The following SAR1A variants were observed in gnomAD, a reference collection of about 807,000 sequenced individuals.
SAR1A encodes the protein secretion associated Ras related GTPase 1A.
In SAR1A, 6 loss-of-function variants were observed where a neutral mutation model predicts 22.6. That is an observed-to-expected ratio of 0.27 (90% confidence interval 0.15 to 0.52). SAR1A has a LOEUF of 0.52. Ranked by LOEUF, SAR1A falls within the 20% of genes least tolerant of loss-of-function variation. The pLI, the probability that SAR1A is intolerant of heterozygous loss-of-function variation, is 0.96. For missense variants in SAR1A, 145 were observed against 245.1 expected (o/e 0.59, Z 2.73); for synonymous variants, 70 against 82.2 (o/e 0.85, Z 0.80).
At chr10:70,168,809 C>G (rs530963931) in intron 1 of SAR1A, among the ~76,000 whole-genome samples, 2 of 151,998 alleles carry the variant, frequency 1.3e-5, no homozygotes, top group African/African-American at 4.8e-5. Flanking sequence ...CACTGCTACC[C>G]AAAGTTAAGA....
rs780852349 is a variant in SAR1A, at chr10:70,157,764, A to C, written c.348T>G (p.Asn116Lys). The C allele has an allele frequency of 6.2e-7, 1 of 1,609,074 alleles. No individual in the cohort carries two copies. The highest frequency in any genetic ancestry group is 1.7e-5 in the Admixed American group (1 of 60,000). The change falls in exon 5 of 7, where the codon AAT (asparagine) becomes AAG (lysine). Residue 116 changes from asparagine (N) to lysine (K), a missense_variant and splice_region_variant. Transcript: ENST00000373241. Reference protein sequence around the residue: ...SRLVESKVELNALMTDETISN... With the variant: ...SRLVESKVELKALMTDETISN... ...ATACACATTAAAGGACAAAACATACATTAAGCTCAACTTTGGATTCCACGA... is the reference window on the plus strand; with the variant it reads ...ATACACATTAAAGGACAAAACATACCTTAAGCTCAACTTTGGATTCCACGA...
In SAR1A at chr10:70,151,443, A is replaced by G. The variant is rs1839326392; in HGVS notation, c.*1033T>C. On this transcript the variant is annotated 3_prime_UTR_variant, in exon 7 of 7. Transcript: ENST00000373241. ...ACTGAATACATTTTTCATGGATCCA[A>G]ACAAATGCTACAATACTTTTAAGTC... is the stretch of plus-strand genomic sequence containing the variant. 1 of 152,182 alleles carries G rather than the reference A, an allele frequency of 6.6e-6. No individual in the cohort carries two copies. The highest frequency in any genetic ancestry group is 2.4e-5 in the African/African-American group (1 of 41,446). 9.4% of individuals were successfully genotyped at this position (152,182 alleles called of 1,614,324 possible). A position where few individuals can be genotyped will look rare whatever the true frequency, so the allele number is the denominator to read the frequency against.
intron 5 of SAR1A, 100 bp from the exon 6 acceptor site, chr10:70,154,069 T>A: frequency 1.2e-6 from 1 of 861,410 alleles, no homozygotes; most frequent in Non-Finnish European, 1.7e-6. Context: ...ACTAATCTTT[T>A]AAGGCATTAA....
Position 70,170,421 on chromosome 10 carries a change from G to A in SAR1A, c.-25C>T, listed in dbSNP as rs1839612457. 1 of 151,900 alleles carries A rather than the reference G, an allele frequency of 6.6e-6. No homozygotes were observed. Among genetic ancestry groups the A allele is most frequent in the African/African-American group, 2.4e-5 (1 of 41,430 alleles). 9.4% of individuals were successfully genotyped at this position (151,900 alleles called of 1,614,324 possible). Reference sequence around the variant, plus strand: ...GCGACCCTCAGACTCACGGCCTGAGGGGCTCCTCCGGCAAAACAGCGGCTG... The same window carrying A: ...GCGACCCTCAGACTCACGGCCTGAGAGGCTCCTCCGGCAAAACAGCGGCTG... On this transcript the variant is annotated 5_prime_UTR_variant, in exon 1 of 7. Transcript: ENST00000373241.
chr10:70,167,115 G>A (rs1037325149), intron 1 of SAR1A, among the ~76,000 whole-genome samples: 7 of 152,096 alleles, frequency 4.6e-5, no homozygotes, highest in African/African-American at 1.7e-4. Flanking sequence ...GTTTCTCATA[G>A]CTATCAAAAG....
Position 70,152,225 on chromosome 10 carries a change from G to A in SAR1A, c.*251C>T, listed in dbSNP as rs757331326. The A allele has an allele frequency of 5.4e-6, 4 of 734,910 alleles. No homozygotes were observed. The highest frequency in any genetic ancestry group is 3.1e-5 in the South Asian group (2 of 64,266). The allele number at this position is 734,910 out of a possible 1,614,324, so 45.5% of individuals were successfully genotyped here. A position where few individuals can be genotyped will look rare whatever the true frequency, so the allele number is the denominator to read the frequency against. ...CCCATGATGGCATACAGCTTTACCC[G>A]GCAAATCCTGCCAGCTTCCAAGTCC... is the stretch of plus-strand genomic sequence containing the variant. On this transcript the variant is annotated 3_prime_UTR_variant, in exon 7 of 7. Transcript: ENST00000373241.
intron 1 of SAR1A, chr10:70,162,795 C>G (rs1390825795): frequency 6.6e-6 from 1 of 152,326 alleles, no homozygotes; most frequent in Non-Finnish European, 1.5e-5. Context: ...CATCTTCTAA[C>G]AGCATGTGCT....
chr10:70,153,873 C>T lies in SAR1A; in HGVS notation c.445G>A (p.Glu149Lys). The T allele has an allele frequency of 6.2e-7, 1 of 1,606,796 alleles. No individual in the cohort carries two copies. Residue 149 changes from glutamate (E) to lysine (K), a missense_variant, in exon 6 of 7, where the codon GAG (glutamate) becomes AAG (lysine). Around this residue, in one of 3 missense-constraint regions of SAR1A, gnomAD observed 83 missense variants for 114.7 expected, o/e 0.72. Transcript: ENST00000373241. ...GTCTGTCCATAAAGCCCAAATATCT[C>T]ACGGAGTTTTTCTTCACTGATTGCA... ...TDAISEEKLR[E>K]IFGLYGQTTG...
chr10:70,157,897 T>G, intron 4 of SAR1A, 30 bp from the exon 5 acceptor site: 1 of 1,408,970 alleles, frequency 7.1e-7, no homozygotes, highest in Non-Finnish European at 1.0e-6. Flanking sequence ...GTTGCATGAG[T>G]AAAAAATATA....
intron 1 of SAR1A, among the ~76,000 whole-genome samples, chr10:70,165,098 T>C (rs946144477): frequency 4.6e-5 from 7 of 151,758 alleles, no homozygotes; most frequent in African/African-American, 1.7e-4. Flanking sequence ...ACCCCGTCTC[T>C]ACTAAAAATA....
At position 70,156,799 on chromosome 10, in the gene SAR1A, T is replaced by C. The variant is rs550889494; in HGVS notation, c.348+965A>G. Reference sequence around the variant, plus strand: ...AGGTTCAAGTTGCCAGAAACAAGAATGCAAGGAGTTATAAATCAAAGAGAA... The same window carrying C: ...AGGTTCAAGTTGCCAGAAACAAGAACGCAAGGAGTTATAAATCAAAGAGAA... On this transcript the variant is annotated intron_variant, in intron 5 of 6. Transcript: ENST00000373241. 4.0e-5 allele frequency among the ~76,000 whole-genome samples: 6 copies of C among 151,608 alleles called. No homozygotes were observed. The South Asian group carries it at 1.0e-3, about 26-fold the overall frequency.
At chr10:70,162,012 C>A in intron 1 of SAR1A, 81 bp from the exon 2 acceptor site, 1 of 983,766 alleles carries the variant, frequency 1.0e-6, no homozygotes, top group Non-Finnish European at 1.6e-6. Context: ...TGTTCCCTAG[C>A]CATGATGCAC....
In SAR1A at chr10:70,147,438, TACA is replaced by T. The variant is rs1487861820; in HGVS notation, c.*5035_*5037del. The T allele has an allele frequency of 6.6e-6, 1 of 152,314 alleles. No individual in the cohort carries two copies. Among genetic ancestry groups the T allele is most frequent in the African/African-American group, 2.4e-5 (1 of 41,552 alleles). The allele number at this position is 152,314 out of a possible 1,614,324, so 9.4% of individuals were successfully genotyped here. A position where few individuals can be genotyped will look rare whatever the true frequency, so the allele number is the denominator to read the frequency against. ...AAACAGTTCCAGTTTGGGGGGACCA[TACA>T]ACTTGTCTCAAATAGTCAACTCTGC... On this transcript the variant is annotated 3_prime_UTR_variant, in exon 7 of 7. Coordinates refer to ENST00000373241, the MANE Select transcript of SAR1A (RefSeq NM_020150.5).
intron 3 of SAR1A, 47 bp from the exon 4 acceptor site, chr10:70,161,116 C>A: frequency 7.6e-7 from 1 of 1,312,924 alleles, no homozygotes; most frequent in Non-Finnish European, 1.1e-6. Context: ...AACTCAACAA[C>A]CCCCAACTAC....
rs374036829 is a variant in SAR1A at position 70,154,956 on chromosome 10, GAAGT to G, written c.349-991_349-988del. Reference sequence around the variant, plus strand: ...GCAGGGTTTGGATAGGTGTAAAGGAGAAGTAAGAACATAAACAACGGCTTTGCAT... The same window carrying G: ...GCAGGGTTTGGATAGGTGTAAAGGAGAAGAACATAAACAACGGCTTTGCAT... On this transcript the variant is annotated intron_variant, in intron 5 of 6. Coordinates refer to ENST00000373241, the MANE Select transcript of SAR1A (RefSeq NM_020150.5). 1,534 of 395,336 alleles carry G rather than the reference GAAGT, an allele frequency of 3.9e-3. 42 individuals carry two copies. The highest frequency in any genetic ancestry group is 0.027 in the South Asian group (1,414 of 51,862). The allele number at this position is 395,336 out of a possible 1,614,324, so 24.5% of individuals were successfully genotyped here.
chr10:70,162,293 C>T (rs1395135290), intron 1 of SAR1A, among the ~76,000 whole-genome samples: 3 of 148,342 alleles, frequency 2.0e-5, no homozygotes, highest in Admixed American at 1.4e-4. Flanking sequence ...TGAGGCATGA[C>T]GGTGCCACTG....
chr10:70,154,080 T>C, intron 5 of SAR1A, 111 bp from the exon 6 acceptor site: 2 of 786,616 alleles, frequency 2.5e-6, no homozygotes, highest in Non-Finnish European at 3.9e-6. Context: ...AAGGCATTAA[T>C]GTAAAGTGAA....
At chr10:70,164,621 T>C (rs947187002) in intron 1 of SAR1A, among the ~76,000 whole-genome samples, 6 of 152,240 alleles carry the variant, frequency 3.9e-5, no homozygotes, top group Non-Finnish European at 7.3e-5. Flanking sequence ...AACATTTTCT[T>C]TTACTGTTAC....
intron 6 of SAR1A, 130 bp downstream of exon 6, chr10:70,153,708 A>G: frequency 1.5e-6 from 1 of 670,772 alleles, no homozygotes; most frequent in Non-Finnish European, 2.3e-6. Context: ...GAGCTTACAA[A>G]ATACTCACAG....
Sources: allele counts gnomAD v4.1 joint callset (sites outside exome capture counted in the v4.1 genomes callset), GRCh38; gene constraint gnomAD v4.1.1; regional missense constraint gnomAD v4.1.1; transcripts MANE v1.5; gene names NCBI Gene and HGNC (gene_info 2026-07-23, HGNC 2026-07-21).